SLC16A7: variants seen among roughly 807,000 people sequenced by gnomAD.
SLC16A7 encodes solute carrier family 16 member 7.
SLC16A7 carries 33 observed loss-of-function variants against 34.9 expected under a neutral mutation model. The observed-to-expected ratio is 0.94, with a 90% confidence interval of 0.72 to 1.26. The LOEUF (loss-of-function observed/expected upper bound fraction) is 1.26. Ranked by LOEUF, SLC16A7 falls within the 50% of genes most tolerant of loss-of-function variation. The pLI, the probability that SLC16A7 is intolerant of heterozygous loss-of-function variation, is 0.00. For synonymous variants in SLC16A7, 201 were observed against 206.6 expected (o/e 0.97, Z 0.23); for missense variants, 573 against 578.1 (o/e 0.99, Z 0.09).
chr12:59,598,563 G>A (rs967946489), intron 1 of SLC16A7, among the ~76,000 whole-genome samples: 3 of 152,190 alleles, frequency 2.0e-5, no homozygotes, highest in Non-Finnish European at 4.4e-5. Flanking sequence ...TGTAAGAAAT[G>A]TTGGTAAGAT....
intron 1 of SLC16A7, among the ~76,000 whole-genome samples, chr12:59,654,437 A>C (rs1038953952): frequency 1.3e-5 from 2 of 151,732 alleles, no homozygotes; most frequent in Non-Finnish European, 3.0e-5. Flanking sequence ...ATACTAGTAT[A>C]CCTTTGTTTT....
intron 1 of SLC16A7, among the ~76,000 whole-genome samples, chr12:59,643,208 G>GT (rs1880761258): frequency 6.6e-6 from 1 of 152,028 alleles, no homozygotes; most frequent in Non-Finnish European, 1.5e-5. Flanking sequence ...GAAACAGAGG[G>GT]TAAGAAAGCT....
At chr12:59,695,915 A>T (rs1219935969) in intron 2 of SLC16A7, among the ~76,000 whole-genome samples, 1 of 152,050 alleles carries the variant, frequency 6.6e-6, no homozygotes, top group East Asian at 1.9e-4. Flanking sequence ...AGATCTCTAA[A>T]ATAATTTTTG....
rs371578117 is a variant in SLC16A7 at position 59,641,820 on chromosome 12, C to A, written c.-129-13332C>A. ...TGTACTTTTCAATGTATGTCACTTTCTTTTTATAGAATGTCTTTGTGGCCC... is the reference window on the plus strand; with the variant it reads ...TGTACTTTTCAATGTATGTCACTTTATTTTTATAGAATGTCTTTGTGGCCC... On this transcript the variant is annotated intron_variant, in intron 1 of 5. Coordinates refer to ENST00000547379, the MANE Select transcript of SLC16A7 (RefSeq NM_001270623.2). Among the ~76,000 whole-genome samples the A allele has an allele frequency of 1.3e-3, 191 of 152,042 alleles. 2 individuals carry two copies. In the South Asian group the frequency reaches 0.017, roughly 14 times the overall value.
rs114175511 is a variant in SLC16A7, at chr12:59,637,703, T to C, written c.-129-17449T>C. ...GTTTTATGTTTACGTTCTCTTGTGA[T>C]TTGACTGTGTTCTCCAAAGTTCATG... On this transcript the variant is annotated intron_variant, in intron 1 of 5. Transcript: ENST00000547379. 9.7e-3 allele frequency among the ~76,000 whole-genome samples: 1,484 copies of C among 152,260 alleles called. 27 individuals are homozygous for C. Among genetic ancestry groups the C allele is most frequent in the African/African-American group, 0.032 (1,342 of 41,560 alleles).
At chr12:59,749,393 A>G (rs1377109860) in intron 3 of SLC16A7, among the ~76,000 whole-genome samples, 12 of 152,300 alleles carry the variant, frequency 7.9e-5, no homozygotes, top group Middle Eastern at 3.4e-3. Flanking sequence ...AAGGGCTGCC[A>G]TACTGGCAGT....
At chr12:59,721,384 C>G (rs962439120) in intron 3 of SLC16A7, among the ~76,000 whole-genome samples, 3 of 151,926 alleles carry the variant, frequency 2.0e-5, no homozygotes, top group Non-Finnish European at 2.9e-5. Flanking sequence ...GCCAACTATA[C>G]ACTTCCTTTC....
At chr12:59,750,003 G>T (rs1592635703) in intron 3 of SLC16A7, among the ~76,000 whole-genome samples, 1 of 152,080 alleles carries the variant, frequency 6.6e-6, no homozygotes, top group Non-Finnish European at 1.5e-5. Context: ...GGGAAAACTG[G>T]CAAGCCATAT....
intron 1 of SLC16A7, among the ~76,000 whole-genome samples, chr12:59,613,195 T>A (rs1244842315): frequency 2.0e-5 from 3 of 152,248 alleles, no homozygotes; most frequent in Non-Finnish European, 4.4e-5. Flanking sequence ...ACTTCCTTCT[T>A]CACATGATGG....
chr12:59,734,963 C>A (rs1441972866), intron 3 of SLC16A7, among the ~76,000 whole-genome samples: 1 of 152,156 alleles, frequency 6.6e-6, no homozygotes, highest in Middle Eastern at 3.2e-3. Flanking sequence ...TTTCTATTGA[C>A]ACCAATAAAG....
At chr12:59,754,421 G>T (rs1426662146) in intron 3 of SLC16A7, among the ~76,000 whole-genome samples, 1 of 151,818 alleles carries the variant, frequency 6.6e-6, no homozygotes, top group Non-Finnish European at 1.5e-5. Context: ...ATGATAAAGG[G>T]GATATCACCA....
intron 1 of SLC16A7, among the ~76,000 whole-genome samples, chr12:59,607,588 C>T (rs897379305): frequency 6.6e-6 from 1 of 152,034 alleles, no homozygotes; most frequent in Non-Finnish European, 1.5e-5. Context: ...CTGGATAAAA[C>T]TGAGTATTTT....
intron 1 of SLC16A7, among the ~76,000 whole-genome samples, chr12:59,615,100 G>A (rs560437202): frequency 1.4e-4 from 21 of 152,146 alleles, no homozygotes; most frequent in Admixed American, 1.3e-3. Context: ...ATTTCAGGAC[G>A]CAATGTTTCC....
rs534437538 is a variant in SLC16A7, at chr12:59,765,887, G to C, written c.218-5332G>C. On this transcript the variant is annotated intron_variant, in intron 3 of 5. Coordinates refer to ENST00000547379, the MANE Select transcript of SLC16A7 (RefSeq NM_001270623.2). ...CTGTGAAGAAAGTAATTGGTAGCTT[G>C]ATGGGGATGGCATTGAATCTATAAA... Among the ~76,000 whole-genome samples, 169 of 152,286 alleles carry C rather than the reference G, an allele frequency of 1.1e-3. 3 individuals carry two copies. The South Asian group carries it at 0.02, about 18-fold the overall frequency.
chr12:59,658,725 G>C lies in SLC16A7; in HGVS notation c.-31+3475G>C, dbSNP rs189140660. 7.2e-5 allele frequency among the ~76,000 whole-genome samples: 11 copies of C among 152,086 alleles called. No individual in the cohort carries two copies. The East Asian group carries it at 1.7e-3, about 24-fold the overall frequency. ...TTCTTTTACATAGACTATGGATTGT[G>C]TGGGTTGATATAAATGCTAACAATC... On this transcript the variant is annotated intron_variant, in intron 2 of 5. Coordinates refer to ENST00000547379, the MANE Select transcript of SLC16A7 (RefSeq NM_001270623.2).
chr12:59,735,489 C>T (rs1038512082), intron 3 of SLC16A7, among the ~76,000 whole-genome samples: 1 of 152,122 alleles, frequency 6.6e-6, no homozygotes, highest in Admixed American at 6.5e-5. Context: ...AGCTGCTTTA[C>T]ATCAGTTCAT....
intron 2 of SLC16A7, among the ~76,000 whole-genome samples, chr12:59,704,486 G>C (rs1311318593): frequency 6.6e-6 from 1 of 151,894 alleles, no homozygotes; most frequent in African/African-American, 2.4e-5. Context: ...AATGTAAAAT[G>C]GTACTTCAGT....
In SLC16A7 at chr12:59,741,977, A is replaced by G. The variant is rs368083915; in HGVS notation, c.218-29242A>G. Among the ~76,000 whole-genome samples the G allele has an allele frequency of 2.6e-5, 4 of 152,162 alleles. No homozygotes were observed. The East Asian group carries it at 7.7e-4, about 29-fold the overall frequency. ...GAGTGGACGTTTATTAAAAAGTTTT[A>G]CAGCAGGAAAGAACACTTAAAAGAG... On this transcript the variant is annotated intron_variant, in intron 3 of 5. Coordinates refer to ENST00000547379, the MANE Select transcript of SLC16A7 (RefSeq NM_001270623.2).
intron 1 of SLC16A7, among the ~76,000 whole-genome samples, chr12:59,628,927 G>C (rs922346093): frequency 2.0e-5 from 3 of 151,736 alleles, no homozygotes; most frequent in African/African-American, 7.3e-5. Flanking sequence ...GTCGGCGTGG[G>C]CTGCTATAAT....
Sources: gnomAD v4.1 joint callset for allele counts (sites outside exome capture counted in the v4.1 genomes callset) on GRCh38, gnomAD v4.1.1 for gene constraint, MANE v1.5 for transcripts, NCBI Gene and HGNC (gene_info 2026-07-23, HGNC 2026-07-21) for gene names.